The following NRL variants were observed in gnomAD, a reference collection of about 807,000 sequenced individuals.
NRL encodes the protein neural retina leucine zipper.
NRL carries 16 observed loss-of-function variants against 12.5 expected under a neutral mutation model. The observed-to-expected ratio is 1.28, with a 90% CI of 0.87 to 1.95. The LOEUF (loss-of-function observed/expected upper bound fraction) is 1.95, where lower values mean the gene tolerates loss of function less well. NRL is among the 30% of genes most tolerant of loss of function. The pLI is 0.00. For missense variants in NRL, 314 were observed against 325.8 expected (o/e 0.96, Z 0.28); for synonymous variants, 142 against 150.9 (o/e 0.94, Z 0.43).
Position 24,114,859 on chromosome 14 carries a change from G to T in NRL, c.-165C>A. The T allele has an allele frequency of 3.0e-6, 3 of 985,940 alleles. No homozygotes were observed. The highest frequency in any genetic ancestry group is 3.6e-6 in the Non-Finnish European group (3 of 829,950). The allele number at this position is 985,940 out of a possible 1,614,324, so 61.1% of individuals were successfully genotyped here. A position where few individuals can be genotyped will look rare whatever the true frequency, so the allele number is the denominator to read the frequency against. On this transcript the variant is annotated 5_prime_UTR_variant, in exon 1 of 3. Coordinates refer to ENST00000561028, the MANE Select transcript of NRL (RefSeq NM_001354768.3). ...CGTGACGGAGGAGCGGTTGGCCAACGCAGTGGCGGCAGTCGGTGTAAACAA... is the reference window on the plus strand; with the variant it reads ...CGTGACGGAGGAGCGGTTGGCCAACTCAGTGGCGGCAGTCGGTGTAAACAA...
intron 1 of NRL, among the ~76,000 whole-genome samples, chr14:24,113,250 G>T (rs1422847792): frequency 7.2e-5 from 6 of 83,384 alleles, no homozygotes; most frequent in Non-Finnish European, 1.5e-4. Flanking sequence ...GAGGGGGGAG[G>T]GATAGCATTG....
chr14:24,082,721 G>C lies in NRL; in HGVS notation c.128C>G (p.Pro43Arg), dbSNP rs1266260807. 1 of 1,614,212 alleles carries C rather than the reference G, an allele frequency of 6.2e-7. No homozygotes were observed. The highest frequency in any genetic ancestry group is 1.1e-5 in the South Asian group (1 of 91,086). Residue 43 changes from proline (P) to arginine (R), a missense_variant, in exon 2 of 3, where the codon CCT becomes CGT. Physicochemically the swap from Pro to Arg is moderately radical, Grantham distance 103. Transcript: ENST00000561028. ...GPPTASLGST[P>R]YSSVPPSPTF... ...GGGTGAAGGAGGCACTGAGCTGTAAGGTGTGGAGCCCAGTGAGGCTGTAGG... is the reference window on the plus strand; with the variant it reads ...GGGTGAAGGAGGCACTGAGCTGTAACGTGTGGAGCCCAGTGAGGCTGTAGG...
In NRL at chr14:24,081,966, G is replaced by C; in HGVS notation, c.382-398C>G. Reference sequence around the variant, plus strand: ...TTCCCTGTCCTGAAGCCTGCAACCCGGTGACCCTCACAGGATTTGGATTAC... The same window carrying C: ...TTCCCTGTCCTGAAGCCTGCAACCCCGTGACCCTCACAGGATTTGGATTAC... On this transcript the variant is annotated intron_variant, in intron 2 of 2. Coordinates refer to ENST00000561028, the MANE Select transcript of NRL (RefSeq NM_001354768.3). This position sits in a 1 kb window ranked among gnomAD's most constrained non-coding sequence, Gnocchi z 4.4. The C allele has an allele frequency of 4.1e-6, 5 of 1,223,394 alleles. No individual in the cohort carries two copies. Among genetic ancestry groups the C allele is most frequent in the Non-Finnish European group, 5.2e-6 (5 of 970,072 alleles). The allele number at this position is 1,223,394 out of a possible 1,614,324, so 75.8% of individuals were successfully genotyped here.
intron 1 of NRL, chr14:24,110,626 G>C (rs539749295): frequency 6.5e-6 from 1 of 154,842 alleles, no homozygotes; most frequent in Non-Finnish European, 1.4e-5. Flanking sequence ...GTATTTCTGT[G>C]TCTATACTAC....
chr14:24,090,992 C>T (rs1051772020), intron 1 of NRL, among the ~76,000 whole-genome samples: 1 of 152,086 alleles, frequency 6.6e-6, no homozygotes, highest in African/African-American at 2.4e-5. Flanking sequence ...AATCATCACT[C>T]TAGTGAGGAT....
chr14:24,081,322 G>T lies in NRL; in HGVS notation c.628C>A (p.Arg210=), dbSNP rs1392368186. Reference sequence around the variant, plus strand: ...CGAGCCTTGTAGAGATCGCGCTCCCGGGCCAGGCGGGCCACCTCGGCCCGC... The same window carrying T: ...CGAGCCTTGTAGAGATCGCGCTCCCTGGCCAGGCGGGCCACCTCGGCCCGC... ...ALRAEVARLA[R]ERDLYKARCD... is the part of the protein sequence containing the mutation. The change falls in exon 3 of 3, where the codon CGG becomes AGG. Residue 210 remains arginine (R), a synonymous_variant. Coordinates refer to ENST00000561028, the MANE Select transcript of NRL (RefSeq NM_001354768.3). The surrounding 1 kb of genome is among the most constrained non-coding windows in gnomAD (Gnocchi z 4.4). The T allele has an allele frequency of 6.8e-7, 1 of 1,478,904 alleles. No individual in the cohort carries two copies. Among genetic ancestry groups the T allele is most frequent in the Middle Eastern group, 1.8e-4 (1 of 5,440 alleles). The allele number at this position is 1,478,904 out of a possible 1,614,324, so 91.6% of individuals were successfully genotyped here.
chr14:24,113,247 G>A (rs1197990520), intron 1 of NRL, among the ~76,000 whole-genome samples: 1 of 92,386 alleles, frequency 1.1e-5, no homozygotes, highest in Non-Finnish European at 2.2e-5. Flanking sequence ...GGGGAGGGGG[G>A]AGGGATAGCA....
intron 1 of NRL, among the ~76,000 whole-genome samples, chr14:24,105,694 G>T (rs144002200): frequency 6.6e-6 from 1 of 152,222 alleles, no homozygotes; most frequent in Non-Finnish European, 1.5e-5. Context: ...CAAGGAGGGC[G>T]GATCACCTGA....
At chr14:24,087,961 G>A (rs1459985648) in intron 1 of NRL, among the ~76,000 whole-genome samples, 2 of 152,106 alleles carry the variant, frequency 1.3e-5, no homozygotes, top group Admixed American at 1.3e-4. Context: ...TGGGGAGGAT[G>A]AGGGTGCAGT....
Position 24,082,647 on chromosome 14 carries a change from C to G in NRL, c.202G>C (p.Gly68Arg). 6.2e-7 allele frequency: 1 copy of G among 1,614,066 alleles called. No homozygotes were observed. ...MVGATEGTRP[G>R]LEELYWLATL... ...GCCAGCCAGTACAGCTCCTCCAGGCCTGGCCGGGTGCCCTCGGTTGCCCCC... is the reference window on the plus strand; with the variant it reads ...GCCAGCCAGTACAGCTCCTCCAGGCGTGGCCGGGTGCCCTCGGTTGCCCCC... Residue 68 changes from glycine to arginine, a missense_variant, in exon 2 of 3, where the codon GGC (glycine) becomes CGC (arginine). Gly to Arg is a moderately radical substitution (Grantham distance 125). Transcript: ENST00000561028.
At chr14:24,084,985 C>A (rs1005697406) in intron 1 of NRL, among the ~76,000 whole-genome samples, 1 of 152,140 alleles carries the variant, frequency 6.6e-6, no homozygotes, top group African/African-American at 2.4e-5. Flanking sequence ...TCCCAGCACC[C>A]CCACCTTCCA....
chr14:24,087,370 G>T (rs1210712824), intron 1 of NRL, among the ~76,000 whole-genome samples: 6 of 152,130 alleles, frequency 3.9e-5, no homozygotes, highest in African/African-American at 1.4e-4. Context: ...GTGGCCAAAG[G>T]ACAGAAAGGT....
chr14:24,111,430 G>A (rs2037417581), intron 1 of NRL, among the ~76,000 whole-genome samples: 1 of 152,202 alleles, frequency 6.6e-6, no homozygotes, highest in Non-Finnish European at 1.5e-5. Flanking sequence ...CTGGAGTGCA[G>A]TGGCGTGATC....
chr14:24,103,505 C>T (rs751666369), intron 1 of NRL: 5 of 1,542,054 alleles, frequency 3.2e-6, no homozygotes, highest in Non-Finnish European at 3.5e-6. Flanking sequence ...TTGCTTCCCC[C>T]CCAGGGAAGA....
At chr14:24,095,953 C>T (rs952281309) in intron 1 of NRL, among the ~76,000 whole-genome samples, 1 of 152,194 alleles carries the variant, frequency 6.6e-6, no homozygotes, top group Admixed American at 6.5e-5. Context: ...AGATCAGGGC[C>T]TGGAAGCCCA....
Position 24,106,631 on chromosome 14 carries a change from G to T in NRL, c.-28+8091C>A, listed in dbSNP as rs988458359. 3.3e-5 allele frequency among the ~76,000 whole-genome samples: 5 copies of T among 151,756 alleles called. No homozygotes were observed. The South Asian group carries it at 6.2e-4, about 19-fold the overall frequency. The stretch of plus-strand genomic sequence containing the variant: ...AGCTACTCAGGAAGCTGAGGCGGGA[G>T]AATCACTTGAAACTGGGAGGCTGAG... On this transcript the variant is annotated intron_variant, in intron 1 of 2. Transcript: ENST00000561028.
At chr14:24,101,808 C>G (rs2037172937) in intron 1 of NRL, among the ~76,000 whole-genome samples, 1 of 151,926 alleles carries the variant, frequency 6.6e-6, no homozygotes, top group East Asian at 1.9e-4. Flanking sequence ...GTAATCCCAG[C>G]TACTCAGGAG....
rs757551620 is a variant in NRL, at chr14:24,082,723, T to C, written c.126A>G (p.Thr42=). The change falls in exon 2 of 3, where the codon ACA becomes ACG. Residue 42 remains threonine (T), a synonymous_variant. Coordinates refer to ENST00000561028, the MANE Select transcript of NRL (RefSeq NM_001354768.3). ...GTGAAGGAGGCACTGAGCTGTAAGG[T>C]GTGGAGCCCAGTGAGGCTGTAGGGG... ...PGPPTASLGS[T]PYSSVPPSPT... 1 of 1,614,052 alleles carries C rather than the reference T, an allele frequency of 6.2e-7. No individual in the cohort carries two copies. Among genetic ancestry groups the C allele is most frequent in the East Asian group, 2.2e-5 (1 of 44,878 alleles).
chr14:24,091,973 G>A (rs2036645016), intron 1 of NRL, among the ~76,000 whole-genome samples: 1 of 152,136 alleles, frequency 6.6e-6, no homozygotes, highest in Non-Finnish European at 1.5e-5. Flanking sequence ...CATACTTCTG[G>A]GGTCCTGCCT....
Sources: gnomAD v4.1 joint callset for allele counts (sites outside exome capture counted in the v4.1 genomes callset) on GRCh38, gnomAD v4.1.1 for gene constraint, Gnocchi (gnomAD v3.1) non-coding constraint, MANE v1.5 for transcripts, NCBI Gene and HGNC (gene_info 2026-07-23, HGNC 2026-07-21) for gene names.